DPY19L3: variants seen among roughly 807,000 people sequenced by gnomAD.
DPY19L3 encodes dpy-19 like C-mannosyltransferase 3, also known as protein C-mannosyl-transferase DPY19L3.
Under a neutral mutation model 92.3 loss-of-function variants are expected in DPY19L3, and 51 were observed. The ratio of observed to expected loss-of-function variants is 0.55; its 90% confidence interval spans 0.44 to 0.70. DPY19L3 has a LOEUF of 0.70. Ranked by LOEUF, DPY19L3 falls within the 30% of genes least tolerant of loss-of-function variation. The pLI is 0.00. For missense variants in DPY19L3, 706 were observed against 855.9 expected (o/e 0.82, Z 2.18); for synonymous variants, 309 against 315.2 (o/e 0.98, Z 0.21).
chr19:32,469,823 T>G (rs1200218692), intron 16 of DPY19L3, among the ~76,000 whole-genome samples: 1 of 152,236 alleles, frequency 6.6e-6, no homozygotes. Context: ...AAATAAACTT[T>G]TCTACCCAGA....
At chr19:32,480,902 T>TACAC in intron 18 of DPY19L3, 3 of 437,958 alleles carry the variant, frequency 6.8e-6, no homozygotes, top group Non-Finnish European at 1.2e-5. Flanking sequence ...AACCCACTGC[T>TACAC]CCAACGCTTC....
rs1970255029 is a variant in DPY19L3, at chr19:32,468,264, G to A, written c.1615-467G>A. 3 of 980,146 alleles carry A rather than the reference G, an allele frequency of 3.1e-6. No individual in the cohort carries two copies. The South Asian group carries it at 1.4e-4, about 46-fold the overall frequency. The allele number at this position is 980,146 out of a possible 1,614,324, so 60.7% of individuals were successfully genotyped here. On this transcript the variant is annotated intron_variant, in intron 15 of 18. Coordinates refer to ENST00000392250, the MANE Select transcript of DPY19L3 (RefSeq NM_001172774.2). ...TGGGTTATTGTGAGGATAAAACAAG[G>A]CCGTATTCTAAAGCATTTTTGCAGC...
intron 16 of DPY19L3, among the ~76,000 whole-genome samples, chr19:32,476,705 A>G (rs1970522540): frequency 6.6e-6 from 1 of 152,036 alleles, no homozygotes; most frequent in Admixed American, 6.6e-5. Flanking sequence ...GGAACTGGAA[A>G]GTGAGTTTGT....
intron 10 of DPY19L3, among the ~76,000 whole-genome samples, chr19:32,457,344 T>C (rs968928735): frequency 1.3e-5 from 2 of 152,224 alleles, no homozygotes; most frequent in African/African-American, 4.8e-5. Context: ...TTTACTCTTA[T>C]AAACCCGTGA....
chr19:32,464,469 A>T (rs1157470414), intron 14 of DPY19L3, among the ~76,000 whole-genome samples: 1 of 152,208 alleles, frequency 6.6e-6, no homozygotes, highest in South Asian at 2.1e-4. Context: ...CATATTGGAG[A>T]CTTGTGCTCC....
intron 6 of DPY19L3, among the ~76,000 whole-genome samples, chr19:32,438,003 A>G (rs1414371638): frequency 6.6e-6 from 1 of 152,098 alleles, no homozygotes; most frequent in Non-Finnish European, 1.5e-5. Flanking sequence ...CTTCACTATC[A>G]ACCTTAATAG....
rs778887037 is a variant in DPY19L3 at position 32,437,266 on chromosome 19, T to C, written c.523T>C (p.Tyr175His). 8 of 1,614,026 alleles carry C rather than the reference T, an allele frequency of 5.0e-6. No individual in the cohort carries two copies. In the South Asian group the frequency reaches 8.8e-5, roughly 18 times the overall value. ...CCAGGCGATCTATGTCACAGCTCTC[T>C]ACATAACCAGCTGGCTACTCAGTGG... Reference protein sequence around the residue: ...GLQAIYVTALYITSWLLSGTW... With the variant: ...GLQAIYVTALHITSWLLSGTW... The change falls in exon 6 of 19, where the codon TAC becomes CAC. Residue 175 changes from tyrosine (Y) to histidine (H), a missense_variant. By Grantham distance (83) the Tyr-to-His change is moderately conservative. Transcript: ENST00000392250.
In DPY19L3 at chr19:32,405,776, A is replaced by G. The variant is rs373101332; in HGVS notation, c.-171A>G. ...TGACGCCCCCCAGCCCCTCATTTCC[A>G]CAAAGCTCCGCGGCGGTTCTGCCCT... On this transcript the variant is annotated 5_prime_UTR_variant, in exon 1 of 19. Coordinates refer to ENST00000392250, the MANE Select transcript of DPY19L3 (RefSeq NM_001172774.2). The G allele has an allele frequency of 1.3e-5, 2 of 151,506 alleles. No individual in the cohort carries two copies. Among genetic ancestry groups the G allele is most frequent in the African/African-American group, 2.4e-5 (1 of 41,210 alleles). The allele number at this position is 151,506 out of a possible 1,614,324, so 9.4% of individuals were successfully genotyped here.
At chr19:32,432,394 A>G (rs1018960479) in intron 3 of DPY19L3, among the ~76,000 whole-genome samples, 2 of 152,082 alleles carry the variant, frequency 1.3e-5, no homozygotes, top group Admixed American at 6.5e-5. Context: ...GTCTAATGCA[A>G]TTATATTTCT....
chr19:32,439,948 C>T, intron 8 of DPY19L3, 38 bp downstream of exon 8: 1 of 1,606,174 alleles, frequency 6.2e-7, no homozygotes, highest in Non-Finnish European at 8.5e-7. Context: ...AGATTTTGGC[C>T]ATTTAGTGTT....
intron 12 of DPY19L3, 148 bp from the exon 13 acceptor site, chr19:32,463,218 A>G: frequency 1.1e-6 from 1 of 871,696 alleles, no homozygotes; most frequent in Non-Finnish European, 1.7e-6. Flanking sequence ...TAAATTCAAA[A>G]TTGATCAATG....
chr19:32,458,848 A>G (rs1042481354), intron 12 of DPY19L3, among the ~76,000 whole-genome samples: 3 of 152,198 alleles, frequency 2.0e-5, no homozygotes, highest in Non-Finnish European at 4.4e-5. Context: ...GAAATAAGTA[A>G]AAACAACATA....
intron 12 of DPY19L3, among the ~76,000 whole-genome samples, chr19:32,461,656 T>A (rs985070351): frequency 1.3e-5 from 2 of 152,170 alleles, no homozygotes; most frequent in Non-Finnish European, 2.9e-5. Flanking sequence ...CGTATGTATT[T>A]ATGGTAGGAA....
At chr19:32,468,958 C>T in intron 16 of DPY19L3, 145 bp downstream of exon 16, 1 of 676,082 alleles carries the variant, frequency 1.5e-6, no homozygotes, top group Non-Finnish European at 2.2e-6. Flanking sequence ...CTTTAAAACT[C>T]CATATTTGAA....
intron 3 of DPY19L3, among the ~76,000 whole-genome samples, chr19:32,418,402 A>G (rs2145420872): frequency 6.6e-6 from 1 of 152,350 alleles, no homozygotes; most frequent in Non-Finnish European, 1.5e-5. Context: ...ATAATGAAGG[A>G]AATGTTCAGT....
intron 6 of DPY19L3, 45 bp from the exon 7 acceptor site, chr19:32,439,067 T>C (rs901748154): frequency 3.2e-6 from 5 of 1,567,944 alleles, no homozygotes; most frequent in Non-Finnish European, 3.5e-6. Flanking sequence ...GAGGAAATTA[T>C]TGTAAAAACT....
chr19:32,449,346 C>T (rs1041823690), intron 8 of DPY19L3, among the ~76,000 whole-genome samples: 2 of 152,110 alleles, frequency 1.3e-5, no homozygotes, highest in African/African-American at 4.8e-5. Flanking sequence ...GGCAGTGCCC[C>T]CCAAATTGAT....
intron 12 of DPY19L3, among the ~76,000 whole-genome samples, chr19:32,459,896 A>C (rs1969982781): frequency 6.6e-6 from 1 of 152,214 alleles, no homozygotes; most frequent in Non-Finnish European, 1.5e-5. Context: ...GTTCTGAGAA[A>C]TGCATATTAG....
At chr19:32,475,932 G>A (rs1286398531) in intron 16 of DPY19L3, among the ~76,000 whole-genome samples, 4 of 152,182 alleles carry the variant, frequency 2.6e-5, no homozygotes, top group Non-Finnish European at 4.4e-5. Flanking sequence ...GAGAGGGGAT[G>A]CATATTATGT....
Sources: allele counts gnomAD v4.1 joint callset (sites outside exome capture counted in the v4.1 genomes callset), GRCh38; gene constraint gnomAD v4.1.1; transcripts MANE v1.5; gene names NCBI Gene and HGNC (gene_info 2026-07-23, HGNC 2026-07-21).